MCU: variants seen among roughly 807,000 people sequenced by gnomAD.
MCU encodes calcium uniporter protein, mitochondrial.
Under a neutral mutation model 45.2 loss-of-function variants are expected in MCU, and 12 were observed. That is an observed-to-expected ratio of 0.27 (90% CI 0.17 to 0.43). The LOEUF (loss-of-function observed/expected upper bound fraction) is 0.43, where lower values mean the gene tolerates loss of function less well. MCU is among the 20% of genes least tolerant of loss of function. MCU has a pLI of 1.00. For synonymous variants in MCU, 160 were observed against 165.1 expected, an observed-to-expected ratio of 0.97 and a Z score of 0.24; for missense variants, 324 against 436.7, an observed-to-expected ratio of 0.74 and a Z score of 2.30.
intron 1 of MCU, among the ~76,000 whole-genome samples, chr10:72,763,918 C>T (rs1221336320): frequency 2.6e-5 from 4 of 152,238 alleles, no homozygotes; most frequent in African/African-American, 4.8e-5. Flanking sequence ...CCTTCACACT[C>T]CCCTTCCACA....
intron 1 of MCU, among the ~76,000 whole-genome samples, chr10:72,799,679 A>G (rs897719629): frequency 2.0e-5 from 3 of 152,122 alleles, no homozygotes; most frequent in African/African-American, 7.2e-5. Flanking sequence ...AGATACTGCT[A>G]AATCTCTCTA....
chr10:72,816,842 CA>C (rs950876423), intron 1 of MCU, among the ~76,000 whole-genome samples: 1 of 152,178 alleles, frequency 6.6e-6, no homozygotes, highest in Non-Finnish European at 1.5e-5. Flanking sequence ...GCCAGGCAAA[CA>C]AACAAGTTCA....
In MCU at chr10:72,790,123, G is replaced by A. The variant is rs562679477; in HGVS notation, c.151-44236G>A. Among the ~76,000 whole-genome samples, 14 of 152,264 alleles carry A rather than the reference G, an allele frequency of 9.2e-5. No individual in the cohort carries two copies. The South Asian group carries it at 2.9e-3, about 32-fold the overall frequency. On this transcript the variant is annotated intron_variant, in intron 1 of 7. Coordinates refer to ENST00000373053, the MANE Select transcript of MCU (RefSeq NM_138357.3). Reference sequence around the variant, plus strand: ...ATGCACATCATAGAACATTTAAACTGTAGATGTACACATCAGAATTCTGAA... The same window carrying A: ...ATGCACATCATAGAACATTTAAACTATAGATGTACACATCAGAATTCTGAA...
rs572720220 is a variant in MCU, at chr10:72,762,959, A to C, written c.150+70658A>C. 3.9e-5 allele frequency among the ~76,000 whole-genome samples: 6 copies of C among 152,292 alleles called. No homozygotes were observed. In the South Asian group the frequency reaches 6.2e-4, roughly 16 times the overall value. ...TGTTCCTTTCTGGACCTGTGAGAGC[A>C]GAATCTGTTTCCTTGCCTTTTCTGG... On this transcript the variant is annotated intron_variant, in intron 1 of 7. Coordinates refer to ENST00000373053, the MANE Select transcript of MCU (RefSeq NM_138357.3).
intron 6 of MCU, among the ~76,000 whole-genome samples, chr10:72,882,514 G>A (rs534981468): frequency 4.4e-4 from 67 of 152,218 alleles, no homozygotes; most frequent in African/African-American, 1.4e-3. Flanking sequence ...GGGTGTGGCC[G>A]TCTTCTATGG....
intron 1 of MCU, among the ~76,000 whole-genome samples, chr10:72,792,579 G>T (rs551892295): frequency 2.0e-5 from 3 of 152,004 alleles, no homozygotes; most frequent in Admixed American, 2.0e-4. Flanking sequence ...AAAAACTCCC[G>T]GTTTTTGAAA....
intron 1 of MCU, among the ~76,000 whole-genome samples, chr10:72,700,377 C>T (rs1306268458): frequency 6.6e-6 from 1 of 152,086 alleles, no homozygotes; most frequent in Non-Finnish European, 1.5e-5. Context: ...CTTAAAGTAC[C>T]TAACGTCAAA....
At chr10:72,805,523 A>G (rs1274021752) in intron 1 of MCU, among the ~76,000 whole-genome samples, 1 of 152,108 alleles carries the variant, frequency 6.6e-6, no homozygotes, top group South Asian at 2.1e-4. Context: ...CTGGGATTAC[A>G]GGTGTGAGCC....
intron 1 of MCU, among the ~76,000 whole-genome samples, chr10:72,797,247 G>A (rs531168625): frequency 6.9e-6 from 1 of 145,842 alleles, no homozygotes; most frequent in African/African-American, 2.6e-5. Flanking sequence ...TTTTTAAGAC[G>A]GGATCTCACT....
At chr10:72,828,876 G>T (rs559129093) in intron 1 of MCU, among the ~76,000 whole-genome samples, 1 of 152,268 alleles carries the variant, frequency 6.6e-6, no homozygotes, top group South Asian at 2.1e-4. Context: ...TGTGGCAGAC[G>T]TTATACTTTC....
intron 1 of MCU, among the ~76,000 whole-genome samples, chr10:72,759,247 G>A (rs1232859532): frequency 9.9e-5 from 15 of 152,160 alleles, no homozygotes; most frequent in Admixed American, 9.2e-4. Flanking sequence ...AAGGGGGTGC[G>A]TGTGAGAGGG....
At chr10:72,862,575 G>A (rs1418260090) in intron 4 of MCU, among the ~76,000 whole-genome samples, 5 of 152,272 alleles carry the variant, frequency 3.3e-5, no homozygotes, top group African/African-American at 1.2e-4. Context: ...TTTACAATAG[G>A]GTTTGTGCCC....
chr10:72,710,312 A>G (rs570164988), intron 1 of MCU, among the ~76,000 whole-genome samples: 19 of 152,258 alleles, frequency 1.2e-4, no homozygotes, highest in African/African-American at 4.1e-4. Context: ...AGCTTTTAAC[A>G]TGAGAAAGTA....
chr10:72,780,168 G>A (rs975866958), intron 1 of MCU, among the ~76,000 whole-genome samples: 7 of 152,102 alleles, frequency 4.6e-5, no homozygotes, highest in Admixed American at 6.6e-5. Flanking sequence ...ATGATAAGAA[G>A]CCAGTCACAA....
At chr10:72,812,430 G>C (rs555773585) in intron 1 of MCU, among the ~76,000 whole-genome samples, 1 of 152,218 alleles carries the variant, frequency 6.6e-6, no homozygotes, top group East Asian at 1.9e-4. Flanking sequence ...ACAGGCATGA[G>C]CCACTGCGCC....
At chr10:72,761,808 C>T (rs1843660148) in intron 1 of MCU, among the ~76,000 whole-genome samples, 1 of 152,030 alleles carries the variant, frequency 6.6e-6, no homozygotes, top group African/African-American at 2.4e-5. Flanking sequence ...GAGTAGTGTA[C>T]ATTGTACCCA....
At chr10:72,738,072 A>G (rs1359393506) in intron 1 of MCU, among the ~76,000 whole-genome samples, 1 of 152,216 alleles carries the variant, frequency 6.6e-6, no homozygotes, top group Admixed American at 6.5e-5. Context: ...AACGAATGAG[A>G]AAACCTAGAC....
intron 1 of MCU, among the ~76,000 whole-genome samples, chr10:72,746,971 G>C (rs1003670842): frequency 1.3e-5 from 2 of 152,172 alleles, no homozygotes; most frequent in Non-Finnish European, 2.9e-5. Context: ...CAATGAAACT[G>C]TCTGGGCCTT....
At chr10:72,801,438 A>G (rs1436926601) in intron 1 of MCU, among the ~76,000 whole-genome samples, 3 of 149,454 alleles carry the variant, frequency 2.0e-5, no homozygotes, top group African/African-American at 7.4e-5. Context: ...TAGTGAATGT[A>G]AGTGCCAGCC....
Sources: allele counts gnomAD v4.1 joint callset (sites outside exome capture counted in the v4.1 genomes callset), GRCh38; gene constraint gnomAD v4.1.1; transcripts MANE v1.5; gene names NCBI Gene and HGNC (gene_info 2026-07-23, HGNC 2026-07-21).